CNKSR3: variants seen among roughly 807,000 people sequenced by gnomAD.
The protein encoded by CNKSR3 is CNKSR family member 3.
In CNKSR3, 36 loss-of-function variants were observed where a neutral mutation model predicts 67.7. The ratio of observed to expected loss-of-function variants is 0.53; its 90% confidence interval spans 0.41 to 0.70. The LOEUF is 0.70. CNKSR3 is among the 30% of genes least tolerant of loss of function. The pLI, the probability that CNKSR3 is intolerant of heterozygous loss-of-function variation, is 0.00. For missense variants in CNKSR3, 630 were observed against 695.2 expected, an observed-to-expected ratio of 0.91 and a Z score of 1.05; for synonymous variants, 281 against 271.4, an observed-to-expected ratio of 1.04 and a Z score of -0.35.
At position 154,428,174 on chromosome 6, in the gene CNKSR3, T is replaced by G; in HGVS notation, c.683A>C (p.Lys228Thr). 11 of 1,608,656 alleles carry G rather than the reference T, an allele frequency of 6.8e-6. No homozygotes were observed. The highest frequency in any genetic ancestry group is 9.4e-6 in the Non-Finnish European group (11 of 1,174,996). Residue 228 changes from lysine (K) to threonine (T), a missense_variant, in exon 7 of 13, where the codon AAA (lysine) becomes ACA (threonine). By Grantham distance (78) the Lys-to-Thr change is moderately conservative. Around this residue, in one of 3 missense-constraint regions of CNKSR3, gnomAD observed 133 missense variants for 190.6 expected, o/e 0.70. Transcript: ENST00000607772. ...KPGEGLGMYI[K>T]STYDGLHVIT... ...CACGTGTAACCCATCATAGGTTGAT[T>G]TGATGTACATGCCCTGGAGTGAATC...
chr6:154,504,171 G>T (rs1468935456), intron 1 of CNKSR3, among the ~76,000 whole-genome samples: 2 of 152,158 alleles, frequency 1.3e-5, no homozygotes, highest in Non-Finnish European at 2.9e-5. Flanking sequence ...TTAAAAGTGA[G>T]GAAATATGGC....
chr6:154,435,604 G>A (rs1476068694), intron 4 of CNKSR3, among the ~76,000 whole-genome samples: 9 of 152,224 alleles, frequency 5.9e-5, no homozygotes, highest in Non-Finnish European at 1.2e-4. Flanking sequence ...CATTCCTGCC[G>A]AGAGGAAGCA....
rs1784629685 is a variant in CNKSR3 at position 154,393,542 on chromosome 6, T to C, written c.*12812A>G. ...CATTCTCTTGCCAATTTGTAATAAT[T>C]ATATGTATATATTCTTACTGCTAAC... On this transcript the variant is annotated 3_prime_UTR_variant, in exon 13 of 13. Coordinates refer to ENST00000607772, the MANE Select transcript of CNKSR3 (RefSeq NM_173515.4). 2 of 152,254 alleles carry C rather than the reference T, an allele frequency of 1.3e-5. No homozygotes were observed. The highest frequency in any genetic ancestry group is 2.9e-5 in the Non-Finnish European group (2 of 68,048). The allele number at this position is 152,254 out of a possible 1,614,324, so 9.4% of individuals were successfully genotyped here. A position where few individuals can be genotyped will look rare whatever the true frequency, so the allele number is the denominator to read the frequency against.
chr6:154,423,713 A>T (rs2128714083), intron 7 of CNKSR3, among the ~76,000 whole-genome samples: 1 of 152,322 alleles, frequency 6.6e-6, no homozygotes, highest in South Asian at 2.1e-4. Context: ...TTCCTTATTA[A>T]AACTAAATGT....
In CNKSR3 at chr6:154,390,082, T is replaced by C. The variant is rs1438112745; in HGVS notation, c.*16272A>G. On this transcript the variant is annotated 3_prime_UTR_variant, in exon 13 of 13. Coordinates refer to ENST00000607772, the MANE Select transcript of CNKSR3 (RefSeq NM_173515.4). ...CTTTTATTTCATTTCATTTTGAAAA[T>C]AATAAAAGGAACACCCCATGTACCC... The C allele has an allele frequency of 6.6e-6, 1 of 152,166 alleles. No homozygotes were observed. The highest frequency in any genetic ancestry group is 1.5e-5 in the Non-Finnish European group (1 of 68,030). The allele number at this position is 152,166 out of a possible 1,614,324, so 9.4% of individuals were successfully genotyped here. A position where few individuals can be genotyped will look rare whatever the true frequency, so the allele number is the denominator to read the frequency against.
intron 1 of CNKSR3, among the ~76,000 whole-genome samples, chr6:154,493,247 G>A (rs1786816865): frequency 6.6e-6 from 1 of 152,074 alleles, no homozygotes; most frequent in Non-Finnish European, 1.5e-5. Flanking sequence ...CTGTGAAATC[G>A]TTCCCTGGTC....
chr6:154,483,856 C>T (rs910312361), intron 1 of CNKSR3, among the ~76,000 whole-genome samples: 1 of 152,164 alleles, frequency 6.6e-6, no homozygotes, highest in African/African-American at 2.4e-5. Flanking sequence ...CCAGTGGATC[C>T]TCCAAACCCA....
rs1344973072 is a variant in CNKSR3 at position 154,387,536 on chromosome 6, TGTACATTA to T, written c.*18810_*18817del. ...AAAATGAAATAAAGATGTTTTATTATGTACATTAGTTAATGAGGCACAGGAAAGGAATG... is the reference window on the plus strand; with the variant it reads ...AAAATGAAATAAAGATGTTTTATTATGTTAATGAGGCACAGGAAAGGAATG... On this transcript the variant is annotated 3_prime_UTR_variant, in exon 13 of 13. Coordinates refer to ENST00000607772, the MANE Select transcript of CNKSR3 (RefSeq NM_173515.4). 6 of 152,224 alleles carry T rather than the reference TGTACATTA, an allele frequency of 3.9e-5. No individual in the cohort carries two copies. The highest frequency in any genetic ancestry group is 3.9e-4 in the Admixed American group (6 of 15,276). 9.4% of individuals were successfully genotyped at this position (152,224 alleles called of 1,614,324 possible).
intron 11 of CNKSR3, 48 bp downstream of exon 11, chr6:154,410,886 G>C: frequency 2.0e-6 from 3 of 1,463,484 alleles, no homozygotes; most frequent in Non-Finnish European, 2.8e-6. Flanking sequence ...GGGGCGGGGA[G>C]GAGAAGTCAA....
At chr6:154,455,357 T>C (rs1785931641) in intron 1 of CNKSR3, among the ~76,000 whole-genome samples, 1 of 152,080 alleles carries the variant, frequency 6.6e-6, no homozygotes, top group African/African-American at 2.4e-5. Flanking sequence ...TCCACTGGTG[T>C]GGAGAACATT....
chr6:154,421,706 T>C (rs1785147207), intron 9 of CNKSR3, among the ~76,000 whole-genome samples: 1 of 152,172 alleles, frequency 6.6e-6, no homozygotes, highest in South Asian at 2.1e-4. Context: ...ACTGTCCCCA[T>C]GGGGTGGGCT....
Position 154,393,846 on chromosome 6 carries a change from C to T in CNKSR3, c.*12508G>A, listed in dbSNP as rs1440090830. The T allele has an allele frequency of 6.6e-6, 1 of 152,132 alleles. No individual in the cohort carries two copies. Among genetic ancestry groups the T allele is most frequent in the Non-Finnish European group, 1.5e-5 (1 of 68,012 alleles). 9.4% of individuals were successfully genotyped at this position (152,132 alleles called of 1,614,324 possible). A position where few individuals can be genotyped will look rare whatever the true frequency, so the allele number is the denominator to read the frequency against. Reference sequence around the variant, plus strand: ...TGAAAATGCCATATACCAAGCCTTGCAAAACATGGCAAAATAAATGTTTTG... The same window carrying T: ...TGAAAATGCCATATACCAAGCCTTGTAAAACATGGCAAAATAAATGTTTTG... On this transcript the variant is annotated 3_prime_UTR_variant, in exon 13 of 13. Coordinates refer to ENST00000607772, the MANE Select transcript of CNKSR3 (RefSeq NM_173515.4).
At chr6:154,509,859 C>A (rs951897910) in intron 1 of CNKSR3, among the ~76,000 whole-genome samples, 1 of 152,200 alleles carries the variant, frequency 6.6e-6, no homozygotes, top group Non-Finnish European at 1.5e-5. Flanking sequence ...CGGCTTGCCA[C>A]AATCCGCACC....
At chr6:154,431,410 T>G (rs1023201767) in intron 5 of CNKSR3, among the ~76,000 whole-genome samples, 2 of 139,618 alleles carry the variant, frequency 1.4e-5, no homozygotes, top group Non-Finnish European at 3.0e-5. Flanking sequence ...ACCACTGCAC[T>G]CTAGCCTGGG....
intron 10 of CNKSR3, among the ~76,000 whole-genome samples, chr6:154,413,647 T>C (rs1053878199): frequency 3.3e-5 from 5 of 152,146 alleles, no homozygotes; most frequent in Admixed American, 2.6e-4. Flanking sequence ...GAATTTACCA[T>C]GGAGTTAATG....
intron 12 of CNKSR3, among the ~76,000 whole-genome samples, chr6:154,408,896 T>C (rs1017843406): frequency 8.6e-5 from 13 of 152,010 alleles, no homozygotes; most frequent in Non-Finnish European, 1.6e-4. Flanking sequence ...CAAGTATTTT[T>C]CCATTTCCCA....
At chr6:154,423,287 C>T (rs1232934825) in intron 7 of CNKSR3, among the ~76,000 whole-genome samples, 8 of 152,162 alleles carry the variant, frequency 5.3e-5, no homozygotes, top group African/African-American at 9.7e-5. Context: ...GCTTTTAAGA[C>T]GGAGTCTCAC....
At chr6:154,447,385 TCTA>T (rs1785728429) in intron 2 of CNKSR3, among the ~76,000 whole-genome samples, 1 of 152,132 alleles carries the variant, frequency 6.6e-6, no homozygotes, top group Admixed American at 6.6e-5. Context: ...AAAGAGCAGC[TCTA>T]TAATCGGTCT....
At chr6:154,501,812 G>C (rs1284984680) in intron 1 of CNKSR3, among the ~76,000 whole-genome samples, 1 of 152,104 alleles carries the variant, frequency 6.6e-6, no homozygotes. Context: ...CTAAAGCCGG[G>C]ACTATGGATT....
Sources: allele counts gnomAD v4.1 joint callset (sites outside exome capture counted in the v4.1 genomes callset), GRCh38; gene constraint gnomAD v4.1.1; regional missense constraint gnomAD v4.1.1; transcripts MANE v1.5; gene names NCBI Gene and HGNC (gene_info 2026-07-23, HGNC 2026-07-21).